LDLRAD4: variants seen among roughly 807,000 people sequenced by gnomAD.
The protein encoded by LDLRAD4 is low-density lipoprotein receptor class A domain-containing protein 4.
LDLRAD4 carries 5 observed loss-of-function variants against 17.0 expected under a neutral mutation model. The ratio of observed to expected loss-of-function variants is 0.29; its 90% CI spans 0.15 to 0.62. The LOEUF is 0.62. Ranked by LOEUF, LDLRAD4 falls within the 20% of genes least tolerant of loss-of-function variation. The pLI, the probability that LDLRAD4 is intolerant of heterozygous loss-of-function variation, is 0.84. For missense variants in LDLRAD4, 340 were observed against 424.7 expected (o/e 0.80, Z 1.75); for synonymous variants, 168 against 171.8 (o/e 0.98, Z 0.17).
chr18:13,498,864 T>G (rs563229808), intron 3 of LDLRAD4, among the ~76,000 whole-genome samples: 174 of 144,958 alleles, frequency 1.2e-3, no homozygotes, highest in African/African-American at 4.5e-3. Context: ...TGGAGAATCC[T>G]TCTCGCCACA....
At chr18:13,294,766 G>A (rs2046173929) in intron 1 of LDLRAD4, among the ~76,000 whole-genome samples, 1 of 150,848 alleles carries the variant, frequency 6.6e-6, no homozygotes, top group Non-Finnish European at 1.5e-5. Context: ...CATCACACTT[G>A]ATATTAGGAC....
intron 2 of LDLRAD4, among the ~76,000 whole-genome samples, chr18:13,399,290 C>T (rs891620084): frequency 6.6e-6 from 1 of 152,140 alleles, no homozygotes; most frequent in Non-Finnish European, 1.5e-5. Flanking sequence ...TGTGCATGTT[C>T]CTGGGCTCAA....
At chr18:13,619,099 C>A (rs1342314536) in intron 3 of LDLRAD4, among the ~76,000 whole-genome samples, 2 of 152,220 alleles carry the variant, frequency 1.3e-5, no homozygotes, top group Non-Finnish European at 1.5e-5. Context: ...TTCTCTCAGC[C>A]TGGGGGTGCT....
chr18:13,386,692 A>G (rs1204090702), intron 1 of LDLRAD4, among the ~76,000 whole-genome samples: 5 of 152,216 alleles, frequency 3.3e-5, no homozygotes, highest in Non-Finnish European at 7.3e-5. Context: ...CAGTTTATAG[A>G]TTAAATTTGC....
At chr18:13,616,952 G>A (rs998726739) in intron 3 of LDLRAD4, among the ~76,000 whole-genome samples, 3 of 152,232 alleles carry the variant, frequency 2.0e-5, no homozygotes, top group African/African-American at 4.8e-5. Flanking sequence ...TCCATGTGCT[G>A]TAGATGCACC....
At chr18:13,224,371 G>T (rs534845754) in intron 1 of LDLRAD4, among the ~76,000 whole-genome samples, 1 of 152,126 alleles carries the variant, frequency 6.6e-6, no homozygotes, top group East Asian at 1.9e-4. Context: ...TAACTGCCTG[G>T]GTCTGGGGGT....
At chr18:13,372,502 A>AACAGC (rs2084590888) in intron 1 of LDLRAD4, among the ~76,000 whole-genome samples, 1 of 152,168 alleles carries the variant, frequency 6.6e-6, no homozygotes, top group South Asian at 2.1e-4. Flanking sequence ...CAGAGAACAA[A>AACAGC]ACAGCACACA....
chr18:13,432,151 C>T (rs1208966638), intron 2 of LDLRAD4, among the ~76,000 whole-genome samples: 1 of 152,214 alleles, frequency 6.6e-6, no homozygotes, highest in Non-Finnish European at 1.5e-5. Flanking sequence ...GGAGTGAGTG[C>T]GTGCATCATC....
upstream of LDLRAD4, chr18:13,278,031 C>T (rs1162620571): frequency 6.6e-6 from 1 of 152,176 alleles, no homozygotes; most frequent in Non-Finnish European, 1.5e-5. Flanking sequence ...AAATATTTAA[C>T]TGTTTTTGAA....
intron 3 of LDLRAD4, among the ~76,000 whole-genome samples, chr18:13,511,629 T>A (rs2093780865): frequency 6.6e-6 from 1 of 152,238 alleles, no homozygotes; most frequent in African/African-American, 2.4e-5. Context: ...AATCGTTTTC[T>A]GATAGGTAGA....
chr18:13,229,921 T>C (rs1025384628), intron 1 of LDLRAD4, among the ~76,000 whole-genome samples: 1 of 152,346 alleles, frequency 6.6e-6, no homozygotes, highest in Middle Eastern at 3.4e-3. Flanking sequence ...GAGGGCTCAA[T>C]GTACTTTGGT....
intron 4 of LDLRAD4, among the ~76,000 whole-genome samples, chr18:13,641,571 G>T (rs2042563637): frequency 6.6e-6 from 1 of 152,266 alleles, no homozygotes. Context: ...CAGTGCTGCA[G>T]AACAGGAGGG....
At chr18:13,386,042 T>G (rs1487881569) in intron 1 of LDLRAD4, among the ~76,000 whole-genome samples, 2 of 152,338 alleles carry the variant, frequency 1.3e-5, no homozygotes, top group Non-Finnish European at 2.9e-5. Context: ...CAGTGATGTG[T>G]TACTTCACTA....
chr18:13,491,871 A>G (rs947141297), intron 3 of LDLRAD4, among the ~76,000 whole-genome samples: 2 of 152,204 alleles, frequency 1.3e-5, no homozygotes, highest in South Asian at 4.1e-4. Context: ...GTGCTGTCTG[A>G]TAATGAAATT....
chr18:13,387,781 ATCCGAGGCTTTGCC>A lies in LDLRAD4; in HGVS notation c.40+23_40+36del. ...TTCACAGGTGAGCATGCTCCAGGTA[ATCCGAGGCTTTGCC>A]TCCACTCCTGGGAGGCAATAAACTC... On this transcript the variant is annotated intron_variant, in intron 2 of 5. Coordinates refer to ENST00000359446, the Ensembl canonical transcript of LDLRAD4. The A allele has an allele frequency of 6.2e-7, 1 of 1,611,954 alleles. No homozygotes were observed.
At chr18:13,650,016 C>A in exon 6 of LDLRAD4, 1 of 398,508 alleles carries the variant, frequency 2.5e-6, no homozygotes, top group South Asian at 1.3e-4. Context: ...AGCCCAGATC[C>A]TAAATGCTAG....
chr18:13,231,632 A>G (rs2042082549), intron 1 of LDLRAD4, among the ~76,000 whole-genome samples: 1 of 152,202 alleles, frequency 6.6e-6, no homozygotes, highest in Non-Finnish European at 1.5e-5. Context: ...AAACGCTTAC[A>G]TTTCATACTG....
intron 3 of LDLRAD4, among the ~76,000 whole-genome samples, chr18:13,509,986 T>C (rs553486742): frequency 1.2e-4 from 18 of 152,378 alleles, no homozygotes; most frequent in African/African-American, 3.8e-4. Context: ...TGTCACACGC[T>C]AGAGAGACTA....
intron 3 of LDLRAD4, among the ~76,000 whole-genome samples, chr18:13,491,795 G>A (rs2093363164): frequency 6.6e-6 from 1 of 152,170 alleles, no homozygotes; most frequent in Admixed American, 6.5e-5. Flanking sequence ...TTCTCACCCT[G>A]GTACTTTTCC....
Sources: gnomAD v4.1 joint callset for allele counts (sites outside exome capture counted in the v4.1 genomes callset) on GRCh38, gnomAD v4.1.1 for gene constraint, MANE v1.5 for transcripts, NCBI Gene and HGNC (gene_info 2026-07-23, HGNC 2026-07-21) for gene names.